Variants in DEDD2 observed in about 807,000 individuals in gnomAD.
The protein encoded by DEDD2 is DNA-binding death effector domain-containing protein 2.
A neutral mutation model predicts 28.9 loss-of-function variants in DEDD2; 18 were observed. That is an observed-to-expected ratio of 0.62 (90% CI 0.43 to 0.92). The LOEUF is 0.92. Among genes scored for constraint, DEDD2 ranks in the 40% least tolerant of loss-of-function variants. The pLI, the probability that DEDD2 is intolerant of heterozygous loss-of-function variation, is 0.00. For missense variants in DEDD2, 411 were observed against 463.3 expected (o/e 0.89, Z 1.04); for synonymous variants, 211 against 206.1 (o/e 1.02, Z -0.20).
At position 42,209,763 on chromosome 19, in the gene DEDD2, G is replaced by T; in HGVS notation, c.526C>A (p.Pro176Thr). ...TCTGACTGCTGCTGGGGTGCGGCTG[G>T]GGCCCCTCTCCGCCGCCGTCTGGCA... ...GGARRRRRGA[P>T]AAPQQQSEPA... Residue 176 changes from proline (P) to threonine (T), a missense_variant, in exon 4 of 5, where the codon CCA (proline) becomes ACA (threonine). By Grantham distance (38) the Pro-to-Thr change is conservative (BLOSUM62 -1). This residue lies in a region of DEDD2 where 282 missense variants were observed against 273.4 expected (regional missense o/e 1.03). Transcript: ENST00000596251. 6.2e-7 allele frequency: 1 copy of T among 1,602,168 alleles called. No individual in the cohort carries two copies. The highest frequency in any genetic ancestry group is 8.5e-7 in the Non-Finnish European group (1 of 1,175,174).
Position 42,199,953 on chromosome 19 carries a change from G to T in DEDD2, c.590-124C>A. On this transcript the variant is annotated intron_variant, in intron 4 of 4. Transcript: ENST00000596251. The surrounding 1 kb of genome is among the most constrained non-coding windows in gnomAD (Gnocchi z 7.4). ...CTTCCGGTAGCCACACCCTAGTCCT[G>T]ACACAGCCTCCCCGGCTCTGTGGGG... is the stretch of plus-strand genomic sequence containing the variant. 2 of 1,391,206 alleles carry T rather than the reference G, an allele frequency of 1.4e-6. No homozygotes were observed. Among genetic ancestry groups the T allele is most frequent in the Non-Finnish European group, 1.9e-6 (2 of 1,046,858 alleles). The allele number at this position is 1,391,206 out of a possible 1,614,324, so 86.2% of individuals were successfully genotyped here.
chr19:42,203,799 G>C (rs1317438522), intron 4 of DEDD2, among the ~76,000 whole-genome samples: 2 of 152,220 alleles, frequency 1.3e-5, no homozygotes, highest in Non-Finnish European at 1.5e-5. Flanking sequence ...GGTAGAAACA[G>C]GGCCAGGGCA....
chr19:42,213,163 TG>T (rs1290008812), intron 3 of DEDD2, among the ~76,000 whole-genome samples: 3 of 152,090 alleles, frequency 2.0e-5, no homozygotes, highest in Non-Finnish European at 4.4e-5. Flanking sequence ...GCTAGCCAGT[TG>T]GAACTGCAGG....
At chr19:42,211,298 CT>C (rs2035750666) in intron 3 of DEDD2, among the ~76,000 whole-genome samples, 1 of 151,576 alleles carries the variant, frequency 6.6e-6, no homozygotes. Context: ...GGTGGGAGGG[CT>C]GCTTGAGCCC....
At chr19:42,214,159 A>G (rs1246424888) in intron 3 of DEDD2, among the ~76,000 whole-genome samples, 1 of 152,208 alleles carries the variant, frequency 6.6e-6, no homozygotes, top group Non-Finnish European at 1.5e-5. Context: ...ATTTCACATA[A>G]TAAAAAGAGG....
intron 4 of DEDD2, among the ~76,000 whole-genome samples, chr19:42,207,678 T>C (rs1941295324): frequency 6.6e-6 from 1 of 152,156 alleles, no homozygotes; most frequent in Non-Finnish European, 1.5e-5. Context: ...CCTGGTCCAA[T>C]TCTGAGCCCT....
chr19:42,218,028 C>T (rs2036055283), upstream of DEDD2, among the ~76,000 whole-genome samples: 1 of 152,164 alleles, frequency 6.6e-6, no homozygotes, highest in South Asian at 2.1e-4. Flanking sequence ...CTCCTGATCA[C>T]GAGCTAGACG....
At position 42,199,324 on chromosome 19, in the gene DEDD2, G is replaced by A. The variant is rs2035227526; in HGVS notation, c.*114C>T. Reference sequence around the variant, plus strand: ...TCAAGGGGCCTGCTGTCCCGGTCCTGTCGCAGTCCTCAAAGATGCTAGAGT... The same window carrying A: ...TCAAGGGGCCTGCTGTCCCGGTCCTATCGCAGTCCTCAAAGATGCTAGAGT... On this transcript the variant is annotated 3_prime_UTR_variant, in exon 5 of 5. Transcript: ENST00000596251. The surrounding 1 kb of genome is among the most constrained non-coding windows in gnomAD (Gnocchi z 7.4). The A allele has an allele frequency of 2.2e-6, 3 of 1,394,314 alleles. No homozygotes were observed. The African/African-American group carries it at 4.4e-5, about 20-fold the overall frequency. 86.4% of individuals were successfully genotyped at this position (1,394,314 alleles called of 1,614,324 possible). A position where few individuals can be genotyped will look rare whatever the true frequency, so the allele number is the denominator to read the frequency against.
chr19:42,199,917 C>T lies in DEDD2; in HGVS notation c.590-88G>A. On this transcript the variant is annotated intron_variant, in intron 4 of 4. Coordinates refer to ENST00000596251, the MANE Select transcript of DEDD2 (RefSeq NM_133328.4). This position sits in a 1 kb window ranked among gnomAD's most constrained non-coding sequence, Gnocchi z 7.4. ...CCACCCTTCCTCCCTCCAGCCTTCT[C>T]CCTCCACCCCCTTCCGGTAGCCACA... 1 of 1,468,514 alleles carries T rather than the reference C, an allele frequency of 6.8e-7. No individual in the cohort carries two copies. The highest frequency in any genetic ancestry group is 1.4e-5 in the African/African-American group (1 of 70,792). The allele number at this position is 1,468,514 out of a possible 1,614,324, so 91.0% of individuals were successfully genotyped here.
intron 4 of DEDD2, among the ~76,000 whole-genome samples, chr19:42,201,387 AAG>A (rs2035324054): frequency 6.6e-6 from 1 of 152,248 alleles, no homozygotes; most frequent in Admixed American, 6.5e-5. Flanking sequence ...GAGGATTAAA[AAG>A]AGAGCAATGG....
At chr19:42,217,802 A>G (rs1465473643), upstream of DEDD2, 8 of 152,242 alleles carry the variant, frequency 5.3e-5, no homozygotes, top group South Asian at 2.0e-4. Context: ...CGAGGCCTCC[A>G]AGCCCCGCCC....
upstream of DEDD2, among the ~76,000 whole-genome samples, chr19:42,219,357 T>C (rs1373443267): frequency 6.6e-6 from 1 of 151,626 alleles, no homozygotes; most frequent in Non-Finnish European, 1.5e-5. Flanking sequence ...TCCCAGCACT[T>C]TGGGAGGCCG....
Position 42,215,267 on chromosome 19 carries a change from G to T in DEDD2, c.329-15C>A. On this transcript the variant is annotated splice_polypyrimidine_tract_variant and intron_variant, in intron 2 of 4. Transcript: ENST00000596251. Reference sequence around the variant, plus strand: ...TTCTGGAGACACTGGAGGAAGAGAAGAACAGGAAGAAGCATTCAGCCTCCT... The same window carrying T: ...TTCTGGAGACACTGGAGGAAGAGAATAACAGGAAGAAGCATTCAGCCTCCT... 1 of 1,613,252 alleles carries T rather than the reference G, an allele frequency of 6.2e-7. No individual in the cohort carries two copies. Among genetic ancestry groups the T allele is most frequent in the Non-Finnish European group, 8.5e-7 (1 of 1,179,372 alleles).
In DEDD2 at chr19:42,199,747, C is replaced by T. The variant is rs752001952; in HGVS notation, c.672G>A (p.Ala224=). 1.7e-5 allele frequency: 28 copies of T among 1,612,446 alleles called. No homozygotes were observed. The Admixed American group carries it at 3.0e-4, about 17-fold the overall frequency. Residue 224 remains alanine (A), a synonymous_variant, in exon 5 of 5, where the codon GCG becomes GCA. Coordinates refer to ENST00000596251, the MANE Select transcript of DEDD2 (RefSeq NM_133328.4). The surrounding 1 kb of genome is among the most constrained non-coding windows in gnomAD (Gnocchi z 7.4). Reference sequence around the variant, plus strand: ...CAAACACGTCCAGCTGCCGCGCCAGCGCCTGGGGCCGCCGGGATGCCACGC... The same window carrying T: ...CAAACACGTCCAGCTGCCGCGCCAGTGCCTGGGGCCGCCGGGATGCCACGC... ...EQGVASRRPQ[A]LARQLDVFGQ... is the part of the protein sequence containing the mutation.
intron 4 of DEDD2, chr19:42,204,459 C>T (rs1297831998): frequency 6.6e-6 from 1 of 152,292 alleles, no homozygotes; most frequent in African/African-American, 2.4e-5. Context: ...CCCCAACTCT[C>T]ACCATGTGAC....
rs2035335252 is a variant in DEDD2, at chr19:42,201,645, G to A, written c.590-1816C>T. On this transcript the variant is annotated intron_variant, in intron 4 of 4. Coordinates refer to ENST00000596251, the MANE Select transcript of DEDD2 (RefSeq NM_133328.4). Reference sequence around the variant, plus strand: ...TCAGCCACAGAGCAGAAAGGAGAATGCAGGGCCCCTGCTCCCCAAGACAAC... The same window carrying A: ...TCAGCCACAGAGCAGAAAGGAGAATACAGGGCCCCTGCTCCCCAAGACAAC... The A allele has an allele frequency of 3.4e-5, 7 of 207,654 alleles. No individual in the cohort carries two copies. The Admixed American group carries it at 4.2e-4, about 12-fold the overall frequency. The allele number at this position is 207,654 out of a possible 1,614,324, so 12.9% of individuals were successfully genotyped here. A position where few individuals can be genotyped will look rare whatever the true frequency, so the allele number is the denominator to read the frequency against.
At chr19:42,215,538 CA>C (rs778684223) in intron 2 of DEDD2, among the ~76,000 whole-genome samples, 3 of 152,214 alleles carry the variant, frequency 2.0e-5, no homozygotes, top group Non-Finnish European at 2.9e-5. Flanking sequence ...GCCCTGGCAT[CA>C]ACTGCCCCCA....
chr19:42,215,948 C>T (rs1053569758), intron 2 of DEDD2, among the ~76,000 whole-genome samples: 12 of 152,200 alleles, frequency 7.9e-5, no homozygotes, highest in Admixed American at 5.2e-4. Context: ...CTGCAAGCCC[C>T]TTCATGACAT....
At chr19:42,208,928 C>G (rs2035638442) in intron 4 of DEDD2, among the ~76,000 whole-genome samples, 2 of 152,236 alleles carry the variant, frequency 1.3e-5, no homozygotes, top group Admixed American at 1.3e-4. Context: ...ATCAGCCTCA[C>G]TTTACAGATG....
Sources: allele counts gnomAD v4.1 joint callset (sites outside exome capture counted in the v4.1 genomes callset), GRCh38; gene constraint gnomAD v4.1.1; regional missense constraint gnomAD v4.1.1; non-coding constraint Gnocchi (gnomAD v3.1); transcripts MANE v1.5; gene names NCBI Gene and HGNC (gene_info 2026-07-23, HGNC 2026-07-21).